The following TTC33 variants were observed in gnomAD, a reference collection of about 807,000 sequenced individuals.
TTC33 encodes tetratricopeptide repeat domain 33.
In TTC33, 24 loss-of-function variants were observed where a neutral mutation model predicts 29.4. The ratio of observed to expected loss-of-function variants is 0.82; its 90% confidence interval spans 0.59 to 1.15. The LOEUF (loss-of-function observed/expected upper bound fraction) is 1.15, where lower values mean the gene tolerates loss of function less well. TTC33 is among the 50% of genes most tolerant of loss of function. TTC33 has a pLI of 0.00. For synonymous variants in TTC33, 107 were observed against 100.3 expected (o/e 1.07, Z -0.40); for missense variants, 286 against 310.4 (o/e 0.92, Z 0.59).
intron 3 of TTC33, 81 bp from the exon 4 acceptor site, chr5:40,728,557 A>C (rs1368756572): frequency 3.0e-6 from 4 of 1,348,522 alleles, no homozygotes; most frequent in Non-Finnish European, 4.0e-6. Context: ...TTCATTTTTT[A>C]AGATATATTT....
chr5:40,719,207 A>G (rs1371493055), intron 4 of TTC33, among the ~76,000 whole-genome samples: 1 of 152,212 alleles, frequency 6.6e-6, no homozygotes, highest in East Asian at 1.9e-4. Flanking sequence ...ACCTACTGGC[A>G]GTTACTCCTC....
rs536822069 is a variant in TTC33 at position 40,735,216 on chromosome 5, A to G, written c.222-4873T>C. ...GTGATGAAGAATCCACAGAGTTTTT[A>G]TACAACAGTGAGACATGAATTATTG... On this transcript the variant is annotated intron_variant, in intron 2 of 4. Coordinates refer to ENST00000337702, the MANE Select transcript of TTC33 (RefSeq NM_012382.3). 2.6e-5 allele frequency among the ~76,000 whole-genome samples: 4 copies of G among 152,378 alleles called. No individual in the cohort carries two copies. The South Asian group carries it at 8.3e-4, about 32-fold the overall frequency.
chr5:40,736,385 C>A (rs991992798), intron 2 of TTC33, among the ~76,000 whole-genome samples: 1 of 152,108 alleles, frequency 6.6e-6, no homozygotes, highest in Non-Finnish European at 1.5e-5. Context: ...GAACAAAATG[C>A]ATGGTAAATT....
Position 40,716,130 on chromosome 5 carries a change from C to T in TTC33, c.*15G>A, listed in dbSNP as rs2111858382. The T allele has an allele frequency of 1.3e-6, 2 of 1,567,506 alleles. No individual in the cohort carries two copies. The highest frequency in any genetic ancestry group is 8.7e-7 in the Non-Finnish European group (1 of 1,154,824). ...AATCAAAAAGACAGATTCAAATAATCCTATGCATACTGCTTCATCGGGCTT... is the reference window on the plus strand; with the variant it reads ...AATCAAAAAGACAGATTCAAATAATTCTATGCATACTGCTTCATCGGGCTT... On this transcript the variant is annotated 3_prime_UTR_variant, in exon 5 of 5. Coordinates refer to ENST00000337702, the MANE Select transcript of TTC33 (RefSeq NM_012382.3).
intron 4 of TTC33, among the ~76,000 whole-genome samples, chr5:40,727,707 G>A (rs1742319431): frequency 6.6e-6 from 1 of 152,128 alleles, no homozygotes; most frequent in African/African-American, 2.4e-5. Context: ...TGTGGTAAAT[G>A]TAATGATCCA....
At chr5:40,722,616 G>GC (rs1742166971) in intron 4 of TTC33, among the ~76,000 whole-genome samples, 1 of 151,884 alleles carries the variant, frequency 6.6e-6, no homozygotes. Flanking sequence ...GAAGTGAGGA[G>GC]CCCCTCCGCC....
At chr5:40,753,953 C>T (rs939967770) in intron 1 of TTC33, among the ~76,000 whole-genome samples, 2 of 151,464 alleles carry the variant, frequency 1.3e-5, no homozygotes, top group Non-Finnish European at 2.9e-5. Flanking sequence ...CTGTAGATTA[C>T]ATGAGGGGCT....
intron 4 of TTC33, among the ~76,000 whole-genome samples, chr5:40,718,758 G>A (rs1184355013): frequency 6.6e-6 from 1 of 151,206 alleles, no homozygotes; most frequent in East Asian, 1.9e-4. Context: ...AAAATTAGCT[G>A]GGTGTAGTGG....
At chr5:40,749,689 T>C (rs1056999475) in intron 1 of TTC33, among the ~76,000 whole-genome samples, 1 of 152,218 alleles carries the variant, frequency 6.6e-6, no homozygotes, top group African/African-American at 2.4e-5. Flanking sequence ...AAGTGAATAA[T>C]ACTAAAAAGT....
intron 1 of TTC33, among the ~76,000 whole-genome samples, chr5:40,749,308 G>A (rs1418698360): frequency 1.3e-5 from 2 of 152,118 alleles, no homozygotes; most frequent in Admixed American, 6.5e-5. Flanking sequence ...AAGAAACACT[G>A]GGAACTGTAT....
At chr5:40,740,707 C>G (rs1035448497) in intron 2 of TTC33, among the ~76,000 whole-genome samples, 1 of 152,188 alleles carries the variant, frequency 6.6e-6, no homozygotes, top group African/African-American at 2.4e-5. Context: ...TAAGACATTT[C>G]CATCCAACCT....
At chr5:40,725,943 G>A (rs914235396) in intron 4 of TTC33, among the ~76,000 whole-genome samples, 14 of 151,626 alleles carry the variant, frequency 9.2e-5, no homozygotes, top group East Asian at 5.8e-4. Flanking sequence ...CCGCCACCAC[G>A]TCCAGCTAAT....
At chr5:40,747,123 A>AC in intron 1 of TTC33, 104 bp from the exon 2 acceptor site, 1 of 969,930 alleles carries the variant, frequency 1.0e-6, no homozygotes, top group Non-Finnish European at 1.5e-6. Context: ...CGATGGCACG[A>AC]CCTCGGCTCA....
rs1741910033 is a variant in TTC33, at chr5:40,712,146, A to G, written c.*3999T>C. On this transcript the variant is annotated 3_prime_UTR_variant, in exon 5 of 5. Coordinates refer to ENST00000337702, the MANE Select transcript of TTC33 (RefSeq NM_012382.3). ...ATTTCACATTCTTCCCTTCCAATTC[A>G]ATCTAGAGTCAACAATGTGGTCTGT... Among the ~76,000 whole-genome samples, 1 of 152,118 alleles carries G rather than the reference A, an allele frequency of 6.6e-6. No individual in the cohort carries two copies.
At chr5:40,750,551 A>AT (rs1742877145) in intron 1 of TTC33, among the ~76,000 whole-genome samples, 13 of 152,030 alleles carry the variant, frequency 8.6e-5, no homozygotes, top group Admixed American at 8.5e-4. Context: ...GGGTGACAGG[A>AT]TAAGACTTTG....
At position 40,713,876 on chromosome 5, in the gene TTC33, T is replaced by C. The variant is rs1342299413; in HGVS notation, c.*2269A>G. On this transcript the variant is annotated 3_prime_UTR_variant, in exon 5 of 5. Coordinates refer to ENST00000337702, the MANE Select transcript of TTC33 (RefSeq NM_012382.3). ...GTTTGTATATCAGTATTCACATCCTTGTAAAATAATGGGTGCATTTTTCTC... is the reference window on the plus strand; with the variant it reads ...GTTTGTATATCAGTATTCACATCCTCGTAAAATAATGGGTGCATTTTTCTC... Among the ~76,000 whole-genome samples, 1 of 152,228 alleles carries C rather than the reference T, an allele frequency of 6.6e-6. No individual in the cohort carries two copies. Among genetic ancestry groups the C allele is most frequent in the East Asian group, 1.9e-4 (1 of 5,206 alleles).
chr5:40,742,501 G>A (rs1742715448), intron 2 of TTC33, among the ~76,000 whole-genome samples: 1 of 152,162 alleles, frequency 6.6e-6, no homozygotes, highest in African/African-American at 2.4e-5. Context: ...TGCAAAGCTG[G>A]TCAACAGCAG....
At chr5:40,718,144 T>A (rs961284436) in intron 4 of TTC33, among the ~76,000 whole-genome samples, 1 of 150,834 alleles carries the variant, frequency 6.6e-6, no homozygotes, top group African/African-American at 2.4e-5. Flanking sequence ...GACAGATACA[T>A]GATGGCTCAC....
chr5:40,717,201 C>A (rs1456936692), intron 4 of TTC33, among the ~76,000 whole-genome samples: 2 of 138,376 alleles, frequency 1.4e-5, no homozygotes, highest in African/African-American at 5.3e-5. Context: ...TGCACTCCAG[C>A]CTGGGCAAAA....
Sources: gnomAD v4.1 joint callset for allele counts (sites outside exome capture counted in the v4.1 genomes callset) on GRCh38, gnomAD v4.1.1 for gene constraint, MANE v1.5 for transcripts, NCBI Gene and HGNC (gene_info 2026-07-23, HGNC 2026-07-21) for gene names.